The following UBR3 variants were observed in gnomAD, a reference collection of about 807,000 sequenced individuals.
UBR3 encodes ubiquitin protein ligase E3 component n-recognin 3, also known as E3 ubiquitin-protein ligase UBR3.
UBR3 carries 85 observed loss-of-function variants against 243.2 expected under a neutral mutation model. The observed-to-expected ratio is 0.35, with a 90% confidence interval of 0.29 to 0.42. The LOEUF is 0.42. UBR3 is among the 10% of genes least tolerant of loss of function. The pLI, the probability that UBR3 is intolerant of heterozygous loss-of-function variation, is 1.00. For missense variants in UBR3, 1,686 were observed against 2,300.8 expected, an observed-to-expected ratio of 0.73 and a Z score of 5.47; for synonymous variants, 748 against 799.8, an observed-to-expected ratio of 0.94 and a Z score of 1.09.
chr2:169,938,262 A>C (rs2086422730), intron 19 of UBR3, among the ~76,000 whole-genome samples: 1 of 141,186 alleles, frequency 7.1e-6, no homozygotes, highest in Admixed American at 7.0e-5. Context: ...ATTTGCAAAT[A>C]TTTTCTTTCT....
At chr2:170,037,641 G>A (rs2105429185) in intron 31 of UBR3, among the ~76,000 whole-genome samples, 1 of 152,204 alleles carries the variant, frequency 6.6e-6, no homozygotes, top group South Asian at 2.1e-4. Context: ...ACCCACCTTG[G>A]CCTCCCTAAG....
intron 5 of UBR3, among the ~76,000 whole-genome samples, chr2:169,884,468 G>C (rs1274917282): frequency 1.3e-5 from 2 of 152,112 alleles, no homozygotes; most frequent in East Asian, 3.8e-4. Context: ...TTTTAACTTT[G>C]TAAAGCAGAA....
rs1231041191 is a variant in UBR3 at position 169,856,325 on chromosome 2, A to C, written c.546-15911A>C. Reference sequence around the variant, plus strand: ...CTTCCTAGACGGGATGATGGCCGGGAAGAGGCACTCCTCACTTCCCAGACT... The same window carrying C: ...CTTCCTAGACGGGATGATGGCCGGGCAGAGGCACTCCTCACTTCCCAGACT... On this transcript the variant is annotated intron_variant, in intron 1 of 38. Coordinates refer to ENST00000272793, the MANE Select transcript of UBR3 (RefSeq NM_172070.4). Among the ~76,000 whole-genome samples the C allele has an allele frequency of 4.2e-5, 6 of 144,286 alleles. No homozygotes were observed. In the South Asian group the frequency reaches 9.0e-4, roughly 22 times the overall value. The allele number at this position is 144,286 out of a possible 152,430, so 94.7% of individuals were successfully genotyped here.
chr2:169,915,145 A>G lies in UBR3; in HGVS notation c.1866+999A>G, dbSNP rs115644132. 7.7e-3 allele frequency among the ~76,000 whole-genome samples: 1,180 copies of G among 152,276 alleles called. 13 individuals are homozygous for G. Among genetic ancestry groups the G allele is most frequent in the African/African-American group, 0.026 (1,068 of 41,550 alleles). ...GTTGTCCCATGATACCTTTTATAGA[A>G]AAAGGATCTGGTTCAGAATTGCATT... On this transcript the variant is annotated intron_variant, in intron 11 of 38. Transcript: ENST00000272793.
At chr2:169,969,593 G>T in intron 24 of UBR3, among the ~76,000 whole-genome samples, 1 of 146,450 alleles carries the variant, frequency 6.8e-6, no homozygotes, top group Non-Finnish European at 1.5e-5. Flanking sequence ...CTGTTACCCA[G>T]GCTGGAGTTC....
intron 30 of UBR3, among the ~76,000 whole-genome samples, chr2:170,023,517 C>T (rs557586120): frequency 5.3e-5 from 8 of 152,094 alleles, no homozygotes; most frequent in African/African-American, 1.4e-4. Context: ...TCAAGCAATT[C>T]TCCTGCCTCA....
chr2:169,855,159 C>T lies in UBR3; in HGVS notation c.546-17077C>T, dbSNP rs551295843. On this transcript the variant is annotated intron_variant, in intron 1 of 38. Coordinates refer to ENST00000272793, the MANE Select transcript of UBR3 (RefSeq NM_172070.4). ...ACTTTGGTTTGAGAAAATGTCTTCA[C>T]GGGTATGGAGAAAAGGATGAAAAAT... Among the ~76,000 whole-genome samples, 54 of 152,114 alleles carry T rather than the reference C, an allele frequency of 3.5e-4. 1 individual carries two copies. Among genetic ancestry groups the T allele is most frequent in the African/African-American group, 9.4e-4 (39 of 41,496 alleles).
chr2:170,073,653 A>G (rs1282649630), intron 36 of UBR3, 46 bp downstream of exon 36: 10 of 1,576,452 alleles, frequency 6.3e-6, no homozygotes, highest in Non-Finnish European at 7.8e-6. Flanking sequence ...GTGATATGCT[A>G]ATAGGTAAGA....
At chr2:170,072,845 A>C (rs1276402532) in intron 35 of UBR3, among the ~76,000 whole-genome samples, 1 of 152,124 alleles carries the variant, frequency 6.6e-6, no homozygotes, top group Non-Finnish European at 1.5e-5. Flanking sequence ...AAGACTAATA[A>C]GCTTCTTTAA....
chr2:169,867,381 A>T (rs976569395), intron 1 of UBR3, among the ~76,000 whole-genome samples: 8 of 152,180 alleles, frequency 5.3e-5, no homozygotes, highest in African/African-American at 1.9e-4. Flanking sequence ...TCATTTTTGT[A>T]AAAATCAAAA....
intron 31 of UBR3, among the ~76,000 whole-genome samples, chr2:170,031,469 G>C (rs2090667411): frequency 6.6e-6 from 1 of 151,818 alleles, no homozygotes; most frequent in African/African-American, 2.4e-5. Context: ...ATTCATCCAT[G>C]TTTTCTTCTA....
At chr2:169,854,644 A>G (rs906334260) in intron 1 of UBR3, among the ~76,000 whole-genome samples, 1 of 152,194 alleles carries the variant, frequency 6.6e-6, no homozygotes, top group Non-Finnish European at 1.5e-5. Context: ...AGTTTAAAGA[A>G]TTTCAGTACA....
chr2:169,876,074 A>C, intron 3 of UBR3, 125 bp downstream of exon 3: 1 of 859,498 alleles, frequency 1.2e-6, no homozygotes, highest in Non-Finnish European at 1.6e-6. Flanking sequence ...GGAAGTTATT[A>C]AGAGAACTTC....
intron 24 of UBR3, among the ~76,000 whole-genome samples, chr2:169,985,268 G>C (rs2088950622): frequency 7.6e-6 from 1 of 130,806 alleles, no homozygotes; most frequent in Non-Finnish European, 1.6e-5. Flanking sequence ...CACTCTTGTT[G>C]CCCAGGCTGG....
At chr2:170,038,327 G>A (rs996565204) in intron 31 of UBR3, among the ~76,000 whole-genome samples, 1 of 152,168 alleles carries the variant, frequency 6.6e-6, no homozygotes, top group African/African-American at 2.4e-5. Context: ...TAAATTTAAT[G>A]TAGCAGTCTG....
intron 30 of UBR3, among the ~76,000 whole-genome samples, chr2:170,016,656 G>C (rs555825984): frequency 6.6e-6 from 1 of 151,712 alleles, no homozygotes; most frequent in African/African-American, 2.4e-5. Context: ...TTTAGCGAAG[G>C]GTTTTCTGTT....
intron 10 of UBR3, among the ~76,000 whole-genome samples, chr2:169,907,321 T>C (rs2085055669): frequency 6.6e-6 from 1 of 152,168 alleles, no homozygotes; most frequent in Admixed American, 6.5e-5. Context: ...AGGTTCTGAA[T>C]TAACTTTTAA....
intron 10 of UBR3, among the ~76,000 whole-genome samples, chr2:169,910,437 T>C (rs1181479892): frequency 6.6e-6 from 1 of 152,136 alleles, no homozygotes; most frequent in Non-Finnish European, 1.5e-5. Flanking sequence ...GAATTTTAAT[T>C]ATGAGGCTGA....
At chr2:169,931,572 A>G (rs1360922601) in intron 18 of UBR3, among the ~76,000 whole-genome samples, 1 of 152,070 alleles carries the variant, frequency 6.6e-6, no homozygotes, top group African/African-American at 2.4e-5. Context: ...TAAGCTTCTT[A>G]CCATGTTTTC....
Sources: gnomAD v4.1 joint callset for allele counts (sites outside exome capture counted in the v4.1 genomes callset) on GRCh38, gnomAD v4.1.1 for gene constraint, MANE v1.5 for transcripts, NCBI Gene and HGNC (gene_info 2026-07-23, HGNC 2026-07-21) for gene names.